The following DOCK3 variants were observed in gnomAD, a reference collection of about 807,000 sequenced individuals.
DOCK3 encodes dedicator of cytokinesis 3, also known as dedicator of cytokinesis protein 3.
Under a neutral mutation model 265.6 loss-of-function variants are expected in DOCK3, and 60 were observed. The observed-to-expected ratio is 0.23, with a 90% confidence interval of 0.18 to 0.28. The LOEUF (loss-of-function observed/expected upper bound fraction) is 0.28. Ranked by LOEUF, DOCK3 falls within the 10% of genes least tolerant of loss-of-function variation. DOCK3 has a pLI of 1.00. For missense variants in DOCK3, 1,981 were observed against 2,594.3 expected (o/e 0.76, Z 5.14); for synonymous variants, 881 against 938.0 (o/e 0.94, Z 1.11).
intron 4 of DOCK3, among the ~76,000 whole-genome samples, chr3:50,899,364 G>T (rs1382158631): frequency 6.6e-6 from 1 of 152,048 alleles, no homozygotes; most frequent in Non-Finnish European, 1.5e-5. Context: ...TTGAGCCTAT[G>T]TGTGTCTTTG....
chr3:50,789,521 T>A (rs2042354935), intron 2 of DOCK3, among the ~76,000 whole-genome samples: 1 of 152,184 alleles, frequency 6.6e-6, no homozygotes, highest in South Asian at 2.1e-4. Context: ...TTAAGTCCAT[T>A]GTTTACTTGT....
intron 2 of DOCK3, among the ~76,000 whole-genome samples, chr3:50,792,950 C>T (rs1024697677): frequency 6.6e-6 from 1 of 152,158 alleles, no homozygotes; most frequent in Non-Finnish European, 1.5e-5. Context: ...AGTCCCTCCT[C>T]CTTAGTTTTT....
chr3:51,206,590 A>G (rs1170653053), intron 12 of DOCK3, among the ~76,000 whole-genome samples: 1 of 152,148 alleles, frequency 6.6e-6, no homozygotes, highest in African/African-American at 2.4e-5. Context: ...ACGGGGAAAG[A>G]AAGGCAAGAA....
chr3:50,908,099 A>T (rs1045815999), intron 4 of DOCK3, among the ~76,000 whole-genome samples: 4 of 148,716 alleles, frequency 2.7e-5, no homozygotes, highest in Non-Finnish European at 5.9e-5. Flanking sequence ...TGTCTATTTG[A>T]TTCTCATTTT....
chr3:50,778,615 C>G, intron 1 of DOCK3, 60 bp from the exon 2 acceptor site: 2 of 1,301,732 alleles, frequency 1.5e-6, no homozygotes, highest in Non-Finnish European at 2.2e-6. Flanking sequence ...AATTCAGTGA[C>G]TCTGACCATG....
chr3:51,161,467 A>C (rs573861541), intron 12 of DOCK3, among the ~76,000 whole-genome samples: 5 of 152,190 alleles, frequency 3.3e-5, no homozygotes, highest in African/African-American at 1.2e-4. Flanking sequence ...AAAGAAAAAA[A>C]GAACAAAAAA....
chr3:51,145,851 T>A (rs2085275448), intron 9 of DOCK3, among the ~76,000 whole-genome samples: 1 of 152,214 alleles, frequency 6.6e-6, no homozygotes, highest in Admixed American at 6.5e-5. Flanking sequence ...GGTTTTGGGA[T>A]GAAGCTGTTC....
chr3:51,043,794 A>T (rs1239949234), intron 5 of DOCK3, among the ~76,000 whole-genome samples: 1 of 152,168 alleles, frequency 6.6e-6, no homozygotes, highest in Non-Finnish European at 1.5e-5. Flanking sequence ...TCAAAAGAAG[A>T]TATACATGCG....
chr3:51,255,981 T>TAGA (rs1161465945), intron 22 of DOCK3, among the ~76,000 whole-genome samples: 10 of 152,294 alleles, frequency 6.6e-5, no homozygotes, highest in African/African-American at 2.4e-4. Context: ...TCTGCTTTGG[T>TAGA]TTCTCCCCAT....
intron 47 of DOCK3, 23 bp downstream of exon 47, chr3:51,360,655 G>A (rs560790404): frequency 1.9e-6 from 3 of 1,613,232 alleles, no homozygotes; most frequent in Non-Finnish European, 8.5e-7. Flanking sequence ...GGCTGGGGAG[G>A]GTTCCCTCTG....
intron 2 of DOCK3, among the ~76,000 whole-genome samples, chr3:50,808,078 G>A (rs1242091071): frequency 1.3e-5 from 2 of 152,146 alleles, no homozygotes; most frequent in Non-Finnish European, 2.9e-5. Context: ...CTCTATGTTT[G>A]CAAAGAAGAA....
intron 7 of DOCK3, among the ~76,000 whole-genome samples, chr3:51,076,963 TC>T (rs1207241733): frequency 6.6e-6 from 1 of 152,184 alleles, no homozygotes; most frequent in Non-Finnish European, 1.5e-5. Flanking sequence ...GCTTTGTATT[TC>T]TCAAATTAGA....
At chr3:51,288,930 ATG>A (rs2081577574) in intron 27 of DOCK3, among the ~76,000 whole-genome samples, 1 of 149,900 alleles carries the variant, frequency 6.7e-6, no homozygotes, top group South Asian at 2.1e-4. Flanking sequence ...GTGTGTGCCC[ATG>A]TGTGTGTATT....
At chr3:50,861,199 C>CCCAGGA (rs2046894302) in intron 3 of DOCK3, among the ~76,000 whole-genome samples, 1 of 152,034 alleles carries the variant, frequency 6.6e-6, no homozygotes, top group South Asian at 2.1e-4. Context: ...TCTTGCTTTT[C>CCCAGGA]TTTGTTCTCT....
chr3:50,948,112 A>G (rs1004098439), intron 5 of DOCK3, among the ~76,000 whole-genome samples: 2 of 131,348 alleles, frequency 1.5e-5, no homozygotes, highest in African/African-American at 5.6e-5. Context: ...GCTGGAGTGC[A>G]GTGGCGCGAT....
At chr3:50,862,410 G>A (rs1453536572) in intron 3 of DOCK3, among the ~76,000 whole-genome samples, 2 of 152,222 alleles carry the variant, frequency 1.3e-5, no homozygotes, top group Non-Finnish European at 2.9e-5. Context: ...AGAAGGTGGT[G>A]CTTAAGAGTA....
intron 5 of DOCK3, among the ~76,000 whole-genome samples, chr3:51,061,831 C>T (rs981713854): frequency 2.0e-5 from 3 of 152,172 alleles, no homozygotes; most frequent in African/African-American, 7.2e-5. Context: ...CTAAATACTT[C>T]TCACTTTCCT....
intron 1 of DOCK3, among the ~76,000 whole-genome samples, chr3:50,748,151 G>A (rs775095926): frequency 6.6e-6 from 1 of 152,128 alleles, no homozygotes; most frequent in Non-Finnish European, 1.5e-5. Context: ...GGAAAGTGGT[G>A]TAAGTAGACA....
chr3:50,981,801 A>G (rs2077701439), intron 5 of DOCK3, among the ~76,000 whole-genome samples: 1 of 152,088 alleles, frequency 6.6e-6, no homozygotes, highest in Non-Finnish European at 1.5e-5. Context: ...TGCATGAAGT[A>G]TCTTTTTTCA....
Sources: allele counts gnomAD v4.1 joint callset (sites outside exome capture counted in the v4.1 genomes callset), GRCh38; gene constraint gnomAD v4.1.1; transcripts MANE v1.5; gene names NCBI Gene and HGNC (gene_info 2026-07-23, HGNC 2026-07-21).